DNAH11: variants seen among roughly 807,000 people sequenced by gnomAD.
DNAH11 encodes dynein axonemal heavy chain 11.
DNAH11 carries 442 observed loss-of-function variants against 526.0 expected under a neutral mutation model. That is an observed-to-expected ratio of 0.84 (90% CI 0.78 to 0.91). The LOEUF is 0.91. Among genes scored for constraint, DNAH11 ranks in the 40% least tolerant of loss-of-function variants. The pLI is 0.00. For missense variants in DNAH11, 6,989 were observed against 5,448.7 expected (o/e 1.28, Z -8.90); for synonymous variants, 2,461 against 1,935.9 (o/e 1.27, Z -7.12).
rs1786818404 is a variant in DNAH11 at position 21,759,848 on chromosome 7, A to G, written c.8941-5580A>G. Among the ~76,000 whole-genome samples, 5 of 152,208 alleles carry G rather than the reference A, an allele frequency of 3.3e-5. No individual in the cohort carries two copies. In the South Asian group the frequency reaches 8.3e-4, roughly 25 times the overall value. ...CACAGGGAAAAGTGGACTCCTGCAA[A>G]TGAGTCATAACACCTGTGTGGGCAA... is the stretch of plus-strand genomic sequence containing the variant. On this transcript the variant is annotated intron_variant, in intron 54 of 81. Coordinates refer to ENST00000409508, the MANE Select transcript of DNAH11 (RefSeq NM_001277115.2).
intron 68 of DNAH11, among the ~76,000 whole-genome samples, chr7:21,860,900 A>G (rs971148533): frequency 6.6e-6 from 1 of 152,134 alleles, no homozygotes; most frequent in Non-Finnish European, 1.5e-5. Flanking sequence ...AGCCAAGTGA[A>G]AGAGATTTCC....
At chr7:21,718,076 C>A (rs1471442604) in intron 43 of DNAH11, among the ~76,000 whole-genome samples, 151 bp downstream of exon 43, 1 of 151,328 alleles carries the variant, frequency 6.6e-6, no homozygotes, top group South Asian at 2.1e-4. Context: ...GCCCCCGTCC[C>A]CCATGTTCCC....
rs372802563 is a variant in DNAH11, at chr7:21,606,615, C to CTTTT, written c.3766-15_3766-12dup. On this transcript the variant is annotated intron_variant, in intron 19 of 81. Coordinates refer to ENST00000409508, the MANE Select transcript of DNAH11 (RefSeq NM_001277115.2). ...AATTGAAGTATTTGTTTGAAATTCA[C>CTTTT]TTTTTTTTTTTTTTTTTTTTGCAAT... 1.9e-3 allele frequency: 2,240 copies of CTTTT among 1,191,086 alleles called. 18 individuals are homozygous for CTTTT. The highest frequency in any genetic ancestry group is 4.7e-3 in the South Asian group (295 of 62,922). The allele number at this position is 1,191,086 out of a possible 1,614,324, so 73.8% of individuals were successfully genotyped here. A position where few individuals can be genotyped will look rare whatever the true frequency, so the allele number is the denominator to read the frequency against.
chr7:21,783,898 T>C (rs972735350), intron 57 of DNAH11, among the ~76,000 whole-genome samples: 1 of 152,188 alleles, frequency 6.6e-6, no homozygotes. Context: ...ATTTTATTTA[T>C]AGTTAGGCAT....
chr7:21,737,677 T>C (rs1785676142), intron 46 of DNAH11, among the ~76,000 whole-genome samples: 1 of 152,164 alleles, frequency 6.6e-6, no homozygotes, highest in African/African-American at 2.4e-5. Flanking sequence ...TAGGCTGTGG[T>C]TGGACAAACA....
intron 30 of DNAH11, among the ~76,000 whole-genome samples, chr7:21,664,802 G>A (rs150328624): frequency 6.6e-6 from 1 of 152,128 alleles, no homozygotes; most frequent in African/African-American, 2.4e-5. Context: ...AGGATTTTCT[G>A]ATCACATTAG....
intron 68 of DNAH11, among the ~76,000 whole-genome samples, chr7:21,857,563 C>T (rs565104706): frequency 2.6e-5 from 4 of 151,276 alleles, no homozygotes; most frequent in African/African-American, 9.7e-5. Context: ...GGAAGACTTA[C>T]AATTTCTGAT....
intron 1 of DNAH11, chr7:21,543,907 G>T (rs1451455172): frequency 1.8e-5 from 7 of 381,834 alleles, no homozygotes; most frequent in Non-Finnish European, 3.3e-5. Context: ...GCGCCAGGTG[G>T]GCTTTCTGTG....
intron 25 of DNAH11, among the ~76,000 whole-genome samples, chr7:21,628,519 A>C (rs200520838): frequency 6.6e-6 from 1 of 152,102 alleles, no homozygotes; most frequent in Non-Finnish European, 1.5e-5. Context: ...AATTTTATCA[A>C]ATGTCTTTTT....
At chr7:21,884,445 T>G (rs1227023555) in intron 76 of DNAH11, 35 bp downstream of exon 76, 1 of 1,575,084 alleles carries the variant, frequency 6.3e-7, no homozygotes, top group Non-Finnish European at 8.6e-7. Context: ...TAAATAAATT[T>G]CACTGAGCAA....
chr7:21,692,233 T>C (rs1472314797), intron 35 of DNAH11, among the ~76,000 whole-genome samples: 1 of 152,304 alleles, frequency 6.6e-6, no homozygotes, highest in East Asian at 1.9e-4. Context: ...AGTAAAAACA[T>C]TCAGGTATAA....
intron 37 of DNAH11, 119 bp downstream of exon 37, chr7:21,702,921 T>A (rs1445814628): frequency 3.5e-5 from 30 of 856,832 alleles, no homozygotes; most frequent in Middle Eastern, 2.2e-4. Flanking sequence ...ATAACATCTG[T>A]TGTTAATGCA....
intron 68 of DNAH11, among the ~76,000 whole-genome samples, chr7:21,860,343 TG>T (rs1466762444): frequency 4.0e-5 from 6 of 151,562 alleles, no homozygotes; most frequent in African/African-American, 1.5e-4. Context: ...AATCTTTTGG[TG>T]GGGGTGCACA....
chr7:21,816,535 C>A lies in DNAH11; in HGVS notation c.10401C>A (p.Ala3467=). The A allele has an allele frequency of 6.2e-7, 1 of 1,612,832 alleles. No individual in the cohort carries two copies. ...SMLTDDATIA[A]WNNEGLPSDR... ...TGACGGATGATGCTACAATTGCCGCCTGGAATAACGAAGGACTGCCCAGTG... is the reference window on the plus strand; with the variant it reads ...TGACGGATGATGCTACAATTGCCGCATGGAATAACGAAGGACTGCCCAGTG... Residue 3467 remains alanine (A), a synonymous_variant, in exon 64 of 82, where the codon GCC becomes GCA. Coordinates refer to ENST00000409508, the MANE Select transcript of DNAH11 (RefSeq NM_001277115.2).
intron 18 of DNAH11, among the ~76,000 whole-genome samples, chr7:21,603,084 G>C (rs1785154941): frequency 6.6e-6 from 1 of 151,878 alleles, no homozygotes; most frequent in Non-Finnish European, 1.5e-5. Context: ...CCAATCCTTG[G>C]CAATTCCCAA....
At chr7:21,863,000 CT>C (rs1783123671) in intron 69 of DNAH11, among the ~76,000 whole-genome samples, 1 of 144,370 alleles carries the variant, frequency 6.9e-6, no homozygotes, top group South Asian at 2.2e-4. Flanking sequence ...GGAGGCAGAG[CT>C]TGCAGTGAGC....
intron 54 of DNAH11, among the ~76,000 whole-genome samples, chr7:21,760,344 G>A (rs1257984306): frequency 1.3e-5 from 2 of 152,172 alleles, no homozygotes; most frequent in Admixed American, 6.5e-5. Context: ...GATGAGTTTA[G>A]TGTAATCCCA....
chr7:21,765,234 G>A lies in DNAH11; in HGVS notation c.8941-194G>A, dbSNP rs60175069. 0.098 allele frequency among the ~76,000 whole-genome samples: 14,837 copies of A among 151,024 alleles called. 967 individuals are homozygous for A. The highest frequency in any genetic ancestry group is 0.27 in the East Asian group (1,352 of 5,098). ...GTACACAGCAGTGTTTCTGTGTCCA[G>A]TGGAGCAGCCTCTTTGGACAGGTTT... is the stretch of plus-strand genomic sequence containing the variant. On this transcript the variant is annotated intron_variant, in intron 54 of 81. Transcript: ENST00000409508.
Position 21,545,090 on chromosome 7 carries a change from G to T in DNAH11, c.436G>T (p.Val146Phe), listed in dbSNP as rs1174665015. ...SIGVNDFSQV[V>F]LFGELPALSL... ...TGGAGTAAATGACTTTTCTCAAGTG[G>T]TTTTATTTGGAGAGTTACCTGCGTT... The change falls in exon 2 of 82, where the codon GTT becomes TTT. Residue 146 changes from valine to phenylalanine, a missense_variant. Val to Phe is a conservative substitution (Grantham distance 50). Coordinates refer to ENST00000409508, the MANE Select transcript of DNAH11 (RefSeq NM_001277115.2). The T allele has an allele frequency of 4.3e-6, 7 of 1,609,474 alleles. No homozygotes were observed. Among genetic ancestry groups the T allele is most frequent in the Non-Finnish European group, 5.9e-6 (7 of 1,177,624 alleles).
Sources: gnomAD v4.1 joint callset for allele counts (sites outside exome capture counted in the v4.1 genomes callset) on GRCh38, gnomAD v4.1.1 for gene constraint, MANE v1.5 for transcripts, NCBI Gene and HGNC (gene_info 2026-07-23, HGNC 2026-07-21) for gene names.